VPS28: variants seen among roughly 807,000 people sequenced by gnomAD.
VPS28 encodes the protein VPS28 subunit of ESCRT-I.
A neutral mutation model predicts 33.7 loss-of-function variants in VPS28; 29 were observed. That is an observed-to-expected ratio of 0.86 (90% CI 0.64 to 1.17). The LOEUF is 1.17. Among genes scored for constraint, VPS28 ranks in the 50% most tolerant of loss-of-function variants. The probability of loss-of-function intolerance (pLI) is 0.00; values close to 1 mark genes in which losing one functional copy is unlikely to be tolerated. For missense variants in VPS28, 247 were observed against 312.2 expected (o/e 0.79, Z 1.57); for synonymous variants, 164 against 116.7 (o/e 1.40, Z -2.61).
In VPS28 at chr8:144,424,072, C is replaced by A; in HGVS notation, c.517G>T (p.Asp173Tyr). 6.4e-7 allele frequency: 1 copy of A among 1,566,680 alleles called. No individual in the cohort carries two copies. Among genetic ancestry groups the A allele is most frequent in the Non-Finnish European group, 8.7e-7 (1 of 1,152,826 alleles). ...CTGACCGTCTGGCGGCCCTCAAAGT[C>A]GGGTGGGAGGTGGCTCATGCGGTGC... The part of the protein sequence containing the change: ...TMHRMSHLPP[D>Y]FEGRQTVSQW... Residue 173 changes from aspartate to tyrosine, a missense_variant, in exon 9 of 10, where the codon GAC (aspartate) becomes TAC (tyrosine). Asp to Tyr is a radical substitution (Grantham distance 160). Transcript: ENST00000292510.
intron 2 of VPS28, 89 bp from the exon 3 acceptor site, chr8:144,426,297 T>C (rs1822738803): frequency 1.4e-6 from 2 of 1,446,612 alleles, no homozygotes; most frequent in Admixed American, 2.6e-5. Flanking sequence ...AGTTCCTCCC[T>C]GAGGCCTCCC....
chr8:144,427,999 T>G (rs1215316950), intron 1 of VPS28, among the ~76,000 whole-genome samples: 1 of 149,594 alleles, frequency 6.7e-6, no homozygotes, highest in African/African-American at 2.5e-5. Flanking sequence ...TAACTGGGAG[T>G]GGACGGTGCT....
chr8:144,425,291 A>C, intron 5 of VPS28: 5 of 590,402 alleles, frequency 8.5e-6, no homozygotes, highest in Non-Finnish European at 1.5e-5. Context: ...CACCCTCTGA[A>C]CCACAGCGAC....
intron 1 of VPS28, among the ~76,000 whole-genome samples, chr8:144,427,662 GGTC>G (rs1822873178): frequency 6.6e-6 from 1 of 152,170 alleles, no homozygotes; most frequent in South Asian, 2.1e-4. Flanking sequence ...CGAAAGAGGG[GGTC>G]CTAGGGAATG....
chr8:144,426,556 G>A (rs1212835499), intron 2 of VPS28: 7 of 431,876 alleles, frequency 1.6e-5, no homozygotes, highest in South Asian at 8.9e-5. Flanking sequence ...GCTCCCTGGC[G>A]GAGTCACCTG....
intron 5 of VPS28, 97 bp downstream of exon 5, chr8:144,425,586 G>T: frequency 7.6e-7 from 1 of 1,321,836 alleles, no homozygotes; most frequent in Non-Finnish European, 1.1e-6. Context: ...CCACACAAGT[G>T]GGTGCCTCCC....
At position 144,424,024 on chromosome 8, in the gene VPS28, C is replaced by A. The variant is rs140380592; in HGVS notation, c.548+17G>T. The stretch of plus-strand genomic sequence containing the variant: ...TCGGGCACTGCGGGGCTCTGCCTGG[C>A]TGGGAGGGACACCCACCACTGGCTG... On this transcript the variant is annotated intron_variant, in intron 9 of 9. Coordinates refer to ENST00000292510, the MANE Select transcript of VPS28 (RefSeq NM_016208.4). 1 of 1,594,156 alleles carries A rather than the reference C, an allele frequency of 6.3e-7. No individual in the cohort carries two copies. The highest frequency in any genetic ancestry group is 8.6e-7 in the Non-Finnish European group (1 of 1,167,078).
At chr8:144,425,634 C>T (rs782076562) in intron 5 of VPS28, 49 bp downstream of exon 5, 114 of 1,598,936 alleles carry the variant, frequency 7.1e-5, no homozygotes, top group Non-Finnish European at 9.7e-5. Flanking sequence ...CTATGGAGCA[C>T]CCAAGCCCCC....
intron 2 of VPS28, chr8:144,426,470 A>T (rs1822753509): frequency 4.0e-6 from 2 of 496,384 alleles, no homozygotes; most frequent in Non-Finnish European, 3.6e-6. Context: ...GGACCGCATG[A>T]CAGGCCCAGC....
At position 144,426,155 on chromosome 8, in the gene VPS28, G is replaced by A. The variant is rs113087018; in HGVS notation, c.66+25C>T. 77 of 1,601,268 alleles carry A rather than the reference G, an allele frequency of 4.8e-5. No individual in the cohort carries two copies. In the African/African-American group the frequency reaches 4.9e-4, roughly 10 times the overall value. On this transcript the variant is annotated intron_variant, in intron 3 of 9. Coordinates refer to ENST00000292510, the MANE Select transcript of VPS28 (RefSeq NM_016208.4). The stretch of plus-strand genomic sequence containing the variant: ...CAGGCATTTGCTGTTGGCCAATGCC[G>A]GCCGGGTGGGCACCCACCACTCACC...
At chr8:144,425,884 C>T (rs1333616300) in intron 4 of VPS28, 112 bp from the exon 5 acceptor site, 6 of 1,536,564 alleles carry the variant, frequency 3.9e-6, no homozygotes, top group Non-Finnish European at 5.3e-6. Context: ...CCTCTTGCTC[C>T]ATCCTGGAGT....
intron 7 of VPS28, chr8:144,424,502 G>A (rs1395039065): frequency 1.0e-5 from 8 of 784,982 alleles, no homozygotes; most frequent in Non-Finnish European, 1.6e-5. Context: ...GACCCCGCCA[G>A]AACGCACCCT....
chr8:144,424,598 C>A (rs1253938298), intron 7 of VPS28, 120 bp downstream of exon 7: 1 of 1,171,710 alleles, frequency 8.5e-7, no homozygotes, highest in Non-Finnish European at 1.2e-6. Context: ...AAGGGGTTCC[C>A]TTCTGCCCAG....
chr8:144,425,815 A>C (rs1289873680), intron 4 of VPS28, 43 bp from the exon 5 acceptor site: 7 of 1,612,322 alleles, frequency 4.3e-6, no homozygotes, highest in Non-Finnish European at 5.1e-6. Flanking sequence ...CGGGGTGCCA[A>C]GCCTAGAGCC....
chr8:144,425,417 C>A, intron 5 of VPS28: 2 of 577,440 alleles, frequency 3.5e-6, no homozygotes, highest in Non-Finnish European at 6.2e-6. Context: ...CATCCCCAAG[C>A]CTCTCGACCG....
At position 144,424,783 on chromosome 8, in the gene VPS28, C is replaced by A; in HGVS notation, c.337G>T (p.Asp113Tyr). The A allele has an allele frequency of 6.2e-7, 1 of 1,613,780 alleles. No individual in the cohort carries two copies. Among genetic ancestry groups the A allele is most frequent in the Non-Finnish European group, 8.5e-7 (1 of 1,179,982 alleles). ...CPLAMERIKE[D>Y]RPITIKDDKG... ...TCGTCCTTGATGGTGATGGGCCGGTCCTCCTTGATCCGCTCCATGGCCAGC... is the reference window on the plus strand; with the variant it reads ...TCGTCCTTGATGGTGATGGGCCGGTACTCCTTGATCCGCTCCATGGCCAGC... The change falls in exon 7 of 10, where the codon GAC (aspartate) becomes TAC (tyrosine). Residue 113 changes from aspartate (D) to tyrosine (Y), a missense_variant. Physicochemically the swap from Asp to Tyr is radical, Grantham distance 160 (BLOSUM62 -3). This residue lies in a region of VPS28 where 149 missense variants were observed against 172.8 expected (regional missense o/e 0.86). Coordinates refer to ENST00000292510, the MANE Select transcript of VPS28 (RefSeq NM_016208.4).
chr8:144,425,438 T>C lies in VPS28; in HGVS notation c.194+245A>G, dbSNP rs559736683. 6.9e-6 allele frequency: 4 copies of C among 581,450 alleles called. No individual in the cohort carries two copies. The East Asian group carries it at 8.5e-5, about 12-fold the overall frequency. The allele number at this position is 581,450 out of a possible 1,614,324, so 36.0% of individuals were successfully genotyped here. On this transcript the variant is annotated intron_variant, in intron 5 of 9. Transcript: ENST00000292510. ...CAAGCCTCTCGACCGTTTTTTAAGG[T>C]TGCCTGTGCTGGGGGATGAGGGTGG...
rs562363211 is a variant in VPS28 at position 144,426,959 on chromosome 8, G to A, written c.-14C>T. 1.5e-5 allele frequency: 24 copies of A among 1,612,094 alleles called. No individual in the cohort carries two copies. The African/African-American group carries it at 2.7e-4, about 18-fold the overall frequency. ...CCCATGAAACATCCTCTAGGCTCTG[G>A]GGGGGGCACAGCACTGAGACCTGGG... On this transcript the variant is annotated 5_prime_UTR_variant, in exon 2 of 10. Transcript: ENST00000292510.
At chr8:144,425,870 C>T in intron 4 of VPS28, 98 bp from the exon 5 acceptor site, 1 of 1,572,034 alleles carries the variant, frequency 6.4e-7, no homozygotes, top group Admixed American at 1.8e-5. Flanking sequence ...GGGCGCTCTG[C>T]CCACCTCTTG....
Sources: allele counts gnomAD v4.1 joint callset (sites outside exome capture counted in the v4.1 genomes callset), GRCh38; gene constraint gnomAD v4.1.1; regional missense constraint gnomAD v4.1.1; transcripts MANE v1.5; gene names NCBI Gene and HGNC (gene_info 2026-07-23, HGNC 2026-07-21).